DEFB108B: variants seen among roughly 807,000 people sequenced by gnomAD.
DEFB108B encodes beta-defensin 108B.
Under a neutral mutation model 2.4 loss-of-function variants are expected in DEFB108B, and 3 were observed. The observed-to-expected ratio is 1.25, with a 90% confidence interval of 0.57 to 3.24. The LOEUF is 3.24. Ranked by LOEUF, DEFB108B falls within the 30% of genes most tolerant of loss-of-function variation. The pLI, the probability that DEFB108B is intolerant of heterozygous loss-of-function variation, is 0.03. For synonymous variants in DEFB108B, 25 were observed against 28.7 expected (o/e 0.87, Z 0.41); for missense variants, 101 against 87.8 (o/e 1.15, Z -0.60).
At chr11:71,836,001 A>G (rs1055339109) in intron 1 of DEFB108B, among the ~76,000 whole-genome samples, 1 of 152,218 alleles carries the variant, frequency 6.6e-6, no homozygotes, top group African/African-American at 2.4e-5. Context: ...ACATATCACA[A>G]GACAGGTCAG....
chr11:71,835,935 C>A (rs558912129), intron 1 of DEFB108B, among the ~76,000 whole-genome samples: 1 of 152,264 alleles, frequency 6.6e-6, no homozygotes, highest in South Asian at 2.1e-4. Flanking sequence ...GAAAACACCA[C>A]CCGTAGTAGA....
At chr11:71,833,795 C>G (rs1341752786) in intron 1 of DEFB108B, among the ~76,000 whole-genome samples, 1 of 152,226 alleles carries the variant, frequency 6.6e-6, no homozygotes, top group Non-Finnish European at 1.5e-5. Flanking sequence ...CCTCTTCCTT[C>G]TCAGCATCTA....
Position 71,837,489 on chromosome 11 carries a change from T to C in DEFB108B, c.149T>C (p.Leu50Ser), listed in dbSNP as rs750178072. The C allele has an allele frequency of 6.2e-7, 1 of 1,611,958 alleles. No individual in the cohort carries two copies. The highest frequency in any genetic ancestry group is 8.5e-7 in the Non-Finnish European group (1 of 1,179,838). ...ACAGAAATCCATGTTGGGAGATGTTTAAATAGCCAACCCTGCTGCCTGCCT... is the reference window on the plus strand; with the variant it reads ...ACAGAAATCCATGTTGGGAGATGTTCAAATAGCCAACCCTGCTGCCTGCCT... ...LETEIHVGRC[L>S]NSQPCCLPLG... The change falls in exon 2 of 2, where the codon TTA (leucine) becomes TCA (serine). Residue 50 changes from leucine to serine, a missense_variant. Physicochemically the swap from Leu to Ser is moderately radical, Grantham distance 145. Transcript: ENST00000328698.
Position 71,837,637 on chromosome 11 carries a change from C to T in DEFB108B, c.*75C>T. On this transcript the variant is annotated 3_prime_UTR_variant, in exon 2 of 2. Coordinates refer to ENST00000328698, the MANE Select transcript of DEFB108B (RefSeq NM_001002035.2). ...TCTCTGTCTCCCTGTCTCCCTTTCC[C>T]TCTCTCCATTTTTCTCACAGGGATT... 6.6e-7 allele frequency: 1 copy of T among 1,526,074 alleles called. No homozygotes were observed. Among genetic ancestry groups the T allele is most frequent in the Non-Finnish European group, 8.8e-7 (1 of 1,136,854 alleles). 94.5% of individuals were successfully genotyped at this position (1,526,074 alleles called of 1,614,324 possible). A position where few individuals can be genotyped will look rare whatever the true frequency, so the allele number is the denominator to read the frequency against.
At chr11:71,836,296 A>G (rs1171477979) in intron 1 of DEFB108B, among the ~76,000 whole-genome samples, 1 of 152,234 alleles carries the variant, frequency 6.6e-6, no homozygotes, top group Non-Finnish European at 1.5e-5. Context: ...TGGTCTTCAC[A>G]TCAAGCCACT....
At chr11:71,836,944 T>TTGTTTG (rs1952223946) in intron 1 of DEFB108B, 1 of 115,466 alleles carries the variant, frequency 8.7e-6, no homozygotes, top group African/African-American at 2.8e-5. Flanking sequence ...GAGTGTGTGT[T>TTGTTTG]TGTGTGTGTG....
chr11:71,836,944 TTGTG>T (rs753040143), intron 1 of DEFB108B: 6 of 115,694 alleles, frequency 5.2e-5, no homozygotes, highest in Non-Finnish European at 8.3e-5. Flanking sequence ...GAGTGTGTGT[TTGTG>T]TGTGTGTGTG....
Position 71,836,865 on chromosome 11 carries a change from T to C in DEFB108B, c.59-534T>C, listed in dbSNP as rs78666337. On this transcript the variant is annotated intron_variant, in intron 1 of 1. Coordinates refer to ENST00000328698, the MANE Select transcript of DEFB108B (RefSeq NM_001002035.2). ...AAAATATCCTCTCTAACAATTAAAG[T>C]ATATTGTCTTTTAGGTCTATATTTC... 3.9e-3 allele frequency among the ~76,000 whole-genome samples: 590 copies of C among 152,284 alleles called. 7 individuals are homozygous for C. Among genetic ancestry groups the C allele is most frequent in the African/African-American group, 0.013 (532 of 41,564 alleles).
At chr11:71,835,420 G>C (rs1176544614) in intron 1 of DEFB108B, among the ~76,000 whole-genome samples, 4 of 152,104 alleles carry the variant, frequency 2.6e-5, no homozygotes, top group Non-Finnish European at 4.4e-5. Flanking sequence ...ACACAGTTTT[G>C]TTCTTTTTAT....
At chr11:71,836,747 A>G (rs1320936320) in intron 1 of DEFB108B, among the ~76,000 whole-genome samples, 2 of 152,226 alleles carry the variant, frequency 1.3e-5, no homozygotes, top group East Asian at 1.9e-4. Context: ...TGCCAGAGAT[A>G]TAAGTAGTGA....
intron 1 of DEFB108B, among the ~76,000 whole-genome samples, chr11:71,833,742 C>G (rs2121248383): frequency 6.6e-6 from 1 of 152,288 alleles, no homozygotes; most frequent in Non-Finnish European, 1.5e-5. Flanking sequence ...GTCACTGGGG[C>G]TTGACTTTTC....
intron 1 of DEFB108B, among the ~76,000 whole-genome samples, chr11:71,833,609 C>A (rs976057618): frequency 6.6e-6 from 1 of 152,238 alleles, no homozygotes; most frequent in Non-Finnish European, 1.5e-5. Context: ...TTCCTAAGAA[C>A]TGGCATAAGA....
At chr11:71,833,991 C>T (rs918843133) in intron 1 of DEFB108B, among the ~76,000 whole-genome samples, 1 of 152,218 alleles carries the variant, frequency 6.6e-6, no homozygotes, top group African/African-American at 2.4e-5. Flanking sequence ...AAAATAGATC[C>T]AAAAATTTTC....
At chr11:71,834,309 G>T (rs1335967729) in intron 1 of DEFB108B, among the ~76,000 whole-genome samples, 1 of 152,040 alleles carries the variant, frequency 6.6e-6, no homozygotes, top group Non-Finnish European at 1.5e-5. Context: ...TATCCTTGTG[G>T]CATTACTGAA....
At chr11:71,836,372 T>C (rs1008208686) in intron 1 of DEFB108B, among the ~76,000 whole-genome samples, 9 of 152,226 alleles carry the variant, frequency 5.9e-5, no homozygotes, top group African/African-American at 1.9e-4. Flanking sequence ...TTCAGTTAAA[T>C]AGGCATTTAT....
chr11:71,836,799 T>A (rs1270392980), intron 1 of DEFB108B, among the ~76,000 whole-genome samples: 2 of 152,230 alleles, frequency 1.3e-5, no homozygotes, highest in Non-Finnish European at 2.9e-5. Flanking sequence ...CAGATATATT[T>A]GTGTATTAAA....
intron 1 of DEFB108B, 169 bp from the exon 2 acceptor site, chr11:71,837,230 T>C (rs1952227230): frequency 1.1e-6 from 1 of 901,570 alleles, no homozygotes; most frequent in Non-Finnish European, 1.7e-6. Context: ...CAAATCTTTG[T>C]GTGACAGCAG....
rs1230433777 is a variant in DEFB108B at position 71,837,706 on chromosome 11, C to G, written c.*144C>G. 6 of 1,188,758 alleles carry G rather than the reference C, an allele frequency of 5.0e-6. No homozygotes were observed. Among genetic ancestry groups the G allele is most frequent in the Non-Finnish European group, 6.9e-6 (6 of 867,148 alleles). 73.6% of individuals were successfully genotyped at this position (1,188,758 alleles called of 1,614,324 possible). On this transcript the variant is annotated 3_prime_UTR_variant, in exon 2 of 2. Coordinates refer to ENST00000328698, the MANE Select transcript of DEFB108B (RefSeq NM_001002035.2). ...AAGAATAAACCAAAACCAACCAGCA[C>G]AAAACTCTTTTAAAAGTTTATATTA...
rs1225496947 is a variant in DEFB108B, at chr11:71,833,900, A to G, written c.58+643A>G. 2.0e-5 allele frequency among the ~76,000 whole-genome samples: 3 copies of G among 152,186 alleles called. No individual in the cohort carries two copies. The East Asian group carries it at 5.8e-4, about 29-fold the overall frequency. On this transcript the variant is annotated intron_variant, in intron 1 of 1. Transcript: ENST00000328698. ...CAGCATGCAAACATTAATCACAGGTATAAGGCCCCTTGCACAGACATGCTT... is the reference window on the plus strand; with the variant it reads ...CAGCATGCAAACATTAATCACAGGTGTAAGGCCCCTTGCACAGACATGCTT...
Sources: gnomAD v4.1 joint callset for allele counts (sites outside exome capture counted in the v4.1 genomes callset) on GRCh38, gnomAD v4.1.1 for gene constraint, MANE v1.5 for transcripts, NCBI Gene and HGNC (gene_info 2026-07-23, HGNC 2026-07-21) for gene names.